The following ROBO2 variants were observed in gnomAD, a reference collection of about 807,000 sequenced individuals.
ROBO2 encodes the protein roundabout guidance receptor 2, also known as roundabout homolog 2.
ROBO2 carries 53 observed loss-of-function variants against 160.8 expected under a neutral mutation model. That is an observed-to-expected ratio of 0.33 (90% CI 0.26 to 0.41). The LOEUF is 0.41. Ranked by LOEUF, ROBO2 falls within the 10% of genes least tolerant of loss-of-function variation. The pLI, the probability that ROBO2 is intolerant of heterozygous loss-of-function variation, is 1.00. For missense variants in ROBO2, 1,577 were observed against 1,722.4 expected (o/e 0.92, Z 1.49); for synonymous variants, 664 against 611.7 (o/e 1.09, Z -1.26).
intron 2 of ROBO2, among the ~76,000 whole-genome samples, chr3:77,341,555 G>A (rs1002474949): frequency 6.6e-6 from 1 of 152,058 alleles, no homozygotes; most frequent in Non-Finnish European, 1.5e-5. Context: ...GGCATTTTGT[G>A]GCTAGTGAAG....
intron 2 of ROBO2, among the ~76,000 whole-genome samples, chr3:77,114,236 TAGG>T (rs1376432920): frequency 1.3e-5 from 2 of 152,102 alleles, no homozygotes; most frequent in African/African-American, 4.8e-5. Flanking sequence ...CAAGCTCCTA[TAGG>T]AGATTAGTGT....
At chr3:76,429,163 G>GGC (rs748029498) in intron 2 of ROBO2, among the ~76,000 whole-genome samples, 68 of 151,136 alleles carry the variant, frequency 4.5e-4, no homozygotes, top group African/African-American at 1.5e-3. Context: ...CAGACCAGTG[G>GGC]GCGCACACAC....
In ROBO2 at chr3:77,446,476, G is replaced by GA. The variant is rs555177605; in HGVS notation, c.389-30931dup. On this transcript the variant is annotated intron_variant, in intron 2 of 25. Transcript: ENST00000461745. ...TCATTGCACCCAAGTGCAGCTAACA[G>GA]AAAAAAAGTACATCAAAATAAGTAT... Among the ~76,000 whole-genome samples, 184 of 152,040 alleles carry GA rather than the reference G, an allele frequency of 1.2e-3. 2 individuals are homozygous for GA. The highest frequency in any genetic ancestry group is 3.7e-3 in the South Asian group (18 of 4,826).
chr3:76,946,166 T>C (rs1018308457), intron 2 of ROBO2, among the ~76,000 whole-genome samples: 2 of 152,212 alleles, frequency 1.3e-5, no homozygotes, highest in African/African-American at 4.8e-5. Flanking sequence ...AAGTTTTGCC[T>C]GAGTAAAACA....
intron 2 of ROBO2, among the ~76,000 whole-genome samples, chr3:76,463,016 T>A (rs1038370930): frequency 2.6e-5 from 4 of 151,564 alleles, no homozygotes; most frequent in Admixed American, 6.6e-5. Context: ...ACTTTGCCCA[T>A]CACCGCATTA....
intron 2 of ROBO2, among the ~76,000 whole-genome samples, chr3:77,135,788 G>T (rs1196658761): frequency 7.9e-5 from 12 of 152,084 alleles, no homozygotes; most frequent in Non-Finnish European, 1.6e-4. Context: ...TCTTGAAGCA[G>T]TTGGTTTTAT....
At chr3:77,646,180 T>A in exon 26 of ROBO2, 2 of 617,714 alleles carry the variant, frequency 3.2e-6, no homozygotes, top group Non-Finnish European at 5.5e-6. Context: ...GTAAATGCAA[T>A]GTAAAGACAC....
intron 24 of ROBO2, among the ~76,000 whole-genome samples, chr3:77,637,200 A>G (rs148390149): frequency 7.9e-5 from 12 of 152,344 alleles, no homozygotes; most frequent in African/African-American, 2.6e-4. Flanking sequence ...AATCTAAAGT[A>G]TAACTACCTT....
chr3:75,912,961 A>G (rs989381111), intron 1 of ROBO2, among the ~76,000 whole-genome samples: 1 of 152,226 alleles, frequency 6.6e-6, no homozygotes, highest in African/African-American at 2.4e-5. Flanking sequence ...ACACATTTAA[A>G]TAACTTAAAA....
intron 2 of ROBO2, among the ~76,000 whole-genome samples, chr3:76,047,277 C>T (rs536022431): frequency 1.5e-4 from 23 of 151,678 alleles, no homozygotes; most frequent in African/African-American, 5.4e-4. Flanking sequence ...TAATATTCCT[C>T]ATGAAAAATA....
chr3:77,176,363 G>C (rs1280597141), intron 2 of ROBO2, among the ~76,000 whole-genome samples: 1 of 151,770 alleles, frequency 6.6e-6, no homozygotes, highest in Non-Finnish European at 1.5e-5. Context: ...TTTCCCTTTC[G>C]GTGCATTCAG....
chr3:77,373,881 A>AG (rs2072198972), intron 2 of ROBO2, among the ~76,000 whole-genome samples: 1 of 151,632 alleles, frequency 6.6e-6, no homozygotes, highest in African/African-American at 2.4e-5. Context: ...AAAAAAAAAA[A>AG]AAAATGTTGG....
intron 2 of ROBO2, among the ~76,000 whole-genome samples, chr3:76,087,083 A>G (rs983546976): frequency 6.6e-6 from 1 of 152,054 alleles, no homozygotes; most frequent in Non-Finnish European, 1.5e-5. Context: ...AAGAAGAAGA[A>G]AGAAAGAAGC....
chr3:76,142,707 A>G (rs1342565868), intron 2 of ROBO2, among the ~76,000 whole-genome samples: 2 of 151,944 alleles, frequency 1.3e-5, no homozygotes, highest in Admixed American at 6.6e-5. Context: ...TGGGCACAAA[A>G]ATTAGAAAGC....
At chr3:76,634,219 C>T (rs2090187321) in intron 2 of ROBO2, among the ~76,000 whole-genome samples, 1 of 152,178 alleles carries the variant, frequency 6.6e-6, no homozygotes, top group African/African-American at 2.4e-5. Context: ...CATGGTCTTC[C>T]TTCTGTGCTC....
chr3:76,999,354 A>G (rs1052042045), intron 2 of ROBO2, among the ~76,000 whole-genome samples: 3 of 152,094 alleles, frequency 2.0e-5, no homozygotes, highest in African/African-American at 7.2e-5. Flanking sequence ...CCCCTTGTAG[A>G]TAGGTAACTG....
intron 1 of ROBO2, among the ~76,000 whole-genome samples, chr3:77,087,724 A>G (rs973733490): frequency 2.0e-5 from 3 of 150,820 alleles, no homozygotes; most frequent in Admixed American, 6.7e-5. Flanking sequence ...ATACATGTAC[A>G]CATATATACA....
intron 2 of ROBO2, among the ~76,000 whole-genome samples, chr3:77,296,901 C>T (rs998086603): frequency 2.0e-5 from 3 of 152,130 alleles, no homozygotes; most frequent in African/African-American, 7.2e-5. Flanking sequence ...TTTCAGTGGA[C>T]ATGTCTTTCC....
At chr3:76,259,790 C>T (rs144815547) in intron 2 of ROBO2, among the ~76,000 whole-genome samples, 10 of 152,198 alleles carry the variant, frequency 6.6e-5, no homozygotes, top group Middle Eastern at 3.4e-3. Context: ...CCTCCTCCCA[C>T]GTGACTTGGT....
Sources: gnomAD v4.1 joint callset for allele counts (sites outside exome capture counted in the v4.1 genomes callset) on GRCh38, gnomAD v4.1.1 for gene constraint, MANE v1.5 for transcripts, NCBI Gene and HGNC (gene_info 2026-07-23, HGNC 2026-07-21) for gene names.